The following NPTN variants were observed in gnomAD, a reference collection of about 807,000 sequenced individuals.
The protein encoded by NPTN is SDR-1.
NPTN carries 5 observed loss-of-function variants against 42.7 expected under a neutral mutation model. The ratio of observed to expected loss-of-function variants is 0.12; its 90% CI spans 0.06 to 0.25. The LOEUF (loss-of-function observed/expected upper bound fraction) is 0.25, where lower values mean the gene tolerates loss of function less well. Among genes scored for constraint, NPTN ranks in the 10% least tolerant of loss-of-function variants. The pLI is 1.00. For synonymous variants in NPTN, 180 were observed against 201.9 expected (o/e 0.89, Z 0.92); for missense variants, 307 against 525.4 (o/e 0.58, Z 4.06).
intron 1 of NPTN, among the ~76,000 whole-genome samples, chr15:73,618,759 CCAG>C (rs1897982310): frequency 6.6e-6 from 1 of 151,976 alleles, no homozygotes; most frequent in African/African-American, 2.4e-5. Flanking sequence ...TCACTTGAGC[CCAG>C]ACAATGGAGG....
rs1368897878 is a variant in NPTN, at chr15:73,560,305, CAAG to C, written c.*755_*757del. ...AGTTTGCCTTGATTGAATGAATGTA[CAAG>C]AATAAGGTTCAACACATCAGTGCAA... On this transcript the variant is annotated 3_prime_UTR_variant, in exon 9 of 9. Transcript: ENST00000345330. 6.0e-6 allele frequency: 1 copy of C among 165,412 alleles called. No homozygotes were observed. The highest frequency in any genetic ancestry group is 1.9e-4 in the East Asian group (1 of 5,332). The allele number at this position is 165,412 out of a possible 1,614,324, so 10.2% of individuals were successfully genotyped here. A position where few individuals can be genotyped will look rare whatever the true frequency, so the allele number is the denominator to read the frequency against.
chr15:73,585,828 A>G (rs1433281778), intron 4 of NPTN, among the ~76,000 whole-genome samples: 3 of 152,198 alleles, frequency 2.0e-5, no homozygotes, highest in African/African-American at 7.2e-5. Flanking sequence ...GTGCACAGTA[A>G]GCACCTTGAA....
intron 2 of NPTN, among the ~76,000 whole-genome samples, chr15:73,592,518 T>A (rs1045439015): frequency 6.6e-6 from 1 of 152,182 alleles, no homozygotes; most frequent in Non-Finnish European, 1.5e-5. Flanking sequence ...GGCCATATCA[T>A]TTATATACCT....
intron 1 of NPTN, among the ~76,000 whole-genome samples, chr15:73,622,161 C>CA (rs879875280): frequency 6.9e-4 from 105 of 151,726 alleles, no homozygotes; most frequent in Non-Finnish European, 1.2e-3. Context: ...TGAAAACAAA[C>CA]AAAAAAAACC....
At chr15:73,575,305 T>G (rs1166931086) in intron 4 of NPTN, among the ~76,000 whole-genome samples, 1 of 151,876 alleles carries the variant, frequency 6.6e-6, no homozygotes, top group East Asian at 1.9e-4. Flanking sequence ...TTAGGAGAGA[T>G]GGGGTTTCAC....
intron 1 of NPTN, among the ~76,000 whole-genome samples, chr15:73,632,335 C>T (rs1039450647): frequency 6.6e-6 from 1 of 151,038 alleles, no homozygotes; most frequent in African/African-American, 2.4e-5. Context: ...CAACCCTTTC[C>T]CTCCATCCTC....
chr15:73,615,724 G>C (rs1322398558), intron 1 of NPTN, among the ~76,000 whole-genome samples: 1 of 152,058 alleles, frequency 6.6e-6, no homozygotes, highest in Non-Finnish European at 1.5e-5. Flanking sequence ...AAAGGCATTT[G>C]GCATTACTAA....
rs1357531560 is a variant in NPTN at position 73,569,179 on chromosome 15, T to C, written c.1114+971A>G. 21 of 985,272 alleles carry C rather than the reference T, an allele frequency of 2.1e-5. No individual in the cohort carries two copies. The highest frequency in any genetic ancestry group is 2.4e-5 in the Non-Finnish European group (20 of 829,964). 61.0% of individuals were successfully genotyped at this position (985,272 alleles called of 1,614,324 possible). On this transcript the variant is annotated intron_variant, in intron 6 of 8. Transcript: ENST00000345330. The surrounding 1 kb of genome is among the most constrained non-coding windows in gnomAD (Gnocchi z 4.1). ...AGGGACAGACTAGTGGTGGTAACAGTCGGCCAATTAATTTCTGTACGCCGG... is the reference window on the plus strand; with the variant it reads ...AGGGACAGACTAGTGGTGGTAACAGCCGGCCAATTAATTTCTGTACGCCGG...
chr15:73,618,324 G>A lies in NPTN; in HGVS notation c.91+14801C>T, dbSNP rs112154388. 5.2e-3 allele frequency among the ~76,000 whole-genome samples: 788 copies of A among 152,238 alleles called. 15 individuals carry two copies. Among genetic ancestry groups the A allele is most frequent in the African/African-American group, 0.018 (759 of 41,538 alleles). On this transcript the variant is annotated intron_variant, in intron 1 of 8. Coordinates refer to ENST00000345330, the MANE Select transcript of NPTN (RefSeq NM_012428.4). ...ACCATACAAAGAAAGTCATTAAACA[G>A]CTATTAGGAAATGCAAAAATACCCA...
In NPTN at chr15:73,560,819, A is replaced by C. The variant is rs1894617246; in HGVS notation, c.*244T>G. 2.0e-5 allele frequency: 3 copies of C among 151,182 alleles called. No individual in the cohort carries two copies. The Admixed American group carries it at 2.0e-4, about 10-fold the overall frequency. 9.4% of individuals were successfully genotyped at this position (151,182 alleles called of 1,614,324 possible). On this transcript the variant is annotated 3_prime_UTR_variant, in exon 9 of 9. Coordinates refer to ENST00000345330, the MANE Select transcript of NPTN (RefSeq NM_012428.4). ...TCTATTTAAATATTTTAACAAAGGA[A>C]AAAAAAAAGCAACATTCACAGCACA...
intron 1 of NPTN, among the ~76,000 whole-genome samples, chr15:73,601,698 CCAT>C (rs1235940891): frequency 6.6e-6 from 1 of 152,228 alleles, no homozygotes; most frequent in African/African-American, 2.4e-5. Context: ...CTCTTCCCCA[CCAT>C]CGTCTCCACC....
chr15:73,589,643 CT>C (rs1317495002), intron 3 of NPTN, among the ~76,000 whole-genome samples: 1 of 152,038 alleles, frequency 6.6e-6, no homozygotes, highest in Non-Finnish European at 1.5e-5. Flanking sequence ...TATTTAATGT[CT>C]AAGAAAAACT....
chr15:73,628,744 CT>C (rs1831074313), intron 1 of NPTN, among the ~76,000 whole-genome samples: 1 of 151,854 alleles, frequency 6.6e-6, no homozygotes, highest in African/African-American at 2.4e-5. Flanking sequence ...CCAATTAAAT[CT>C]TTTTTTAATT....
chr15:73,604,795 T>C (rs1177294591), intron 1 of NPTN, among the ~76,000 whole-genome samples: 2 of 152,180 alleles, frequency 1.3e-5, no homozygotes, highest in Non-Finnish European at 2.9e-5. Flanking sequence ...TGTAATAACA[T>C]GTCAGTTTTA....
chr15:73,598,937 T>C (rs1896951955), intron 1 of NPTN, among the ~76,000 whole-genome samples: 1 of 152,220 alleles, frequency 6.6e-6, no homozygotes, highest in Non-Finnish European at 1.5e-5. Context: ...ATGGAGGTAC[T>C]ATACTTACTC....
At chr15:73,609,607 G>A (rs1897469327) in intron 1 of NPTN, among the ~76,000 whole-genome samples, 1 of 152,164 alleles carries the variant, frequency 6.6e-6, no homozygotes, top group African/African-American at 2.4e-5. Context: ...CTCCAGCCTG[G>A]GTGACAGAGC....
At chr15:73,598,950 G>A (rs973280466) in intron 1 of NPTN, among the ~76,000 whole-genome samples, 16 of 152,192 alleles carry the variant, frequency 1.1e-4, no homozygotes, top group Admixed American at 7.9e-4. Context: ...ACTTACTCAA[G>A]TAGAGGCCAA....
chr15:73,624,757 C>T (rs1478509669), intron 1 of NPTN, among the ~76,000 whole-genome samples: 1 of 152,104 alleles, frequency 6.6e-6, no homozygotes, highest in Non-Finnish European at 1.5e-5. Flanking sequence ...CTACAGCAAC[C>T]AAGTAAAGCA....
At chr15:73,628,710 T>C (rs1157645852) in intron 1 of NPTN, among the ~76,000 whole-genome samples, 2 of 152,202 alleles carry the variant, frequency 1.3e-5, no homozygotes, top group African/African-American at 4.8e-5. Flanking sequence ...ACTTTTCTAA[T>C]TACATTTGGT....
Sources: allele counts gnomAD v4.1 joint callset (sites outside exome capture counted in the v4.1 genomes callset), GRCh38; gene constraint gnomAD v4.1.1; non-coding constraint Gnocchi (gnomAD v3.1); transcripts MANE v1.5; gene names NCBI Gene and HGNC (gene_info 2026-07-23, HGNC 2026-07-21).